ROBO1: variants seen among roughly 807,000 people sequenced by gnomAD.
ROBO1 encodes roundabout homolog 1.
Under a neutral mutation model 195.9 loss-of-function variants are expected in ROBO1, and 149 were observed. The ratio of observed to expected loss-of-function variants is 0.76; its 90% confidence interval spans 0.67 to 0.87. The LOEUF (loss-of-function observed/expected upper bound fraction) is 0.87. Ranked by LOEUF, ROBO1 falls within the 40% of genes least tolerant of loss-of-function variation. The probability of loss-of-function intolerance (pLI) is 0.00; values close to 1 mark genes in which losing one functional copy is unlikely to be tolerated. For synonymous variants in ROBO1, 816 were observed against 733.2 expected (o/e 1.11, Z -1.82); for missense variants, 1,933 against 2,068.3 (o/e 0.93, Z 1.27).
At chr3:79,517,063 C>T (rs1940979830) in intron 2 of ROBO1, among the ~76,000 whole-genome samples, 1 of 152,152 alleles carries the variant, frequency 6.6e-6, no homozygotes, top group African/African-American at 2.4e-5. Flanking sequence ...TACCATAAGA[C>T]TCTTTCTGTT....
intron 10 of ROBO1, among the ~76,000 whole-genome samples, chr3:78,676,142 A>C (rs989909289): frequency 2.6e-5 from 4 of 152,160 alleles, no homozygotes; most frequent in African/African-American, 7.2e-5. Context: ...AAACTAACAA[A>C]CAGAAAGGAC....
At chr3:78,990,626 C>T (rs937471356) in intron 3 of ROBO1, among the ~76,000 whole-genome samples, 4 of 152,218 alleles carry the variant, frequency 2.6e-5, no homozygotes, top group Admixed American at 6.5e-5. Context: ...TTCAAATCTA[C>T]GTTTAGTTCA....
chr3:78,945,566 G>GA (rs1446337536), intron 3 of ROBO1, among the ~76,000 whole-genome samples: 1 of 151,968 alleles, frequency 6.6e-6, no homozygotes, highest in Non-Finnish European at 1.5e-5. Flanking sequence ...ACAAAGACGG[G>GA]AAAAAAACAG....
intron 1 of ROBO1, among the ~76,000 whole-genome samples, chr3:79,691,366 T>C (rs1204069731): frequency 6.6e-6 from 1 of 151,652 alleles, no homozygotes; most frequent in Non-Finnish European, 1.5e-5. Flanking sequence ...AGAGAAACAA[T>C]AGTATGTGAC....
At chr3:79,575,277 T>C (rs1199633177) in intron 2 of ROBO1, among the ~76,000 whole-genome samples, 3 of 125,308 alleles carry the variant, frequency 2.4e-5, no homozygotes, top group African/African-American at 6.2e-5. Flanking sequence ...ATAACAAATA[T>C]ATATATAAAT....
intron 22 of ROBO1, among the ~76,000 whole-genome samples, chr3:78,639,444 A>G (rs1402147459): frequency 2.0e-5 from 3 of 152,174 alleles, no homozygotes; most frequent in Admixed American, 6.5e-5. Context: ...TCTGTCTCCA[A>G]TAAATAATAA....
At chr3:79,357,481 A>G (rs948962961) in intron 2 of ROBO1, among the ~76,000 whole-genome samples, 7 of 152,194 alleles carry the variant, frequency 4.6e-5, no homozygotes, top group Non-Finnish European at 8.8e-5. Flanking sequence ...CAAGGAGGTC[A>G]TGGTTTATAT....
chr3:78,685,110 A>G (rs2081022240), intron 10 of ROBO1, among the ~76,000 whole-genome samples: 1 of 152,110 alleles, frequency 6.6e-6, no homozygotes, highest in African/African-American at 2.4e-5. Flanking sequence ...ATATATATTT[A>G]TATGTATATG....
chr3:79,052,308 G>A (rs2078716241), intron 3 of ROBO1, among the ~76,000 whole-genome samples: 1 of 152,016 alleles, frequency 6.6e-6, no homozygotes, highest in Admixed American at 6.6e-5. Context: ...GCTAGGATTG[G>A]GAAATTCCAG....
At position 78,758,369 on chromosome 3, in the gene ROBO1, T is replaced by TA. The variant is rs2082995111; in HGVS notation, c.500-11470dup. Reference sequence around the variant, plus strand: ...CACCTGTCTCTACAAAAAATATATATAAAAAAATAGCTGGGTGTGGTGGCA... The same window carrying TA: ...CACCTGTCTCTACAAAAAATATATATAAAAAAAATAGCTGGGTGTGGTGGCA... On this transcript the variant is annotated intron_variant, in intron 4 of 30. Transcript: ENST00000464233. Among the ~76,000 whole-genome samples, 7 of 151,108 alleles carry TA rather than the reference T, an allele frequency of 4.6e-5. No individual in the cohort carries two copies. In the South Asian group the frequency reaches 1.5e-3, roughly 32 times the overall value.
Position 79,468,760 on chromosome 3 carries a change from C to T in ROBO1, c.88+121064G>A, listed in dbSNP as rs370324362. Among the ~76,000 whole-genome samples the T allele has an allele frequency of 3.9e-4, 59 of 152,224 alleles. No individual in the cohort carries two copies. The East Asian group carries it at 4.3e-3, about 11-fold the overall frequency. On this transcript the variant is annotated intron_variant, in intron 2 of 30. Transcript: ENST00000464233. ...AGAAGAACCTGGAATTGGATTTGTA[C>T]AGACCTTCATTAGACCAATCTCAGT... is the stretch of plus-strand genomic sequence containing the variant.
At chr3:79,567,397 A>G (rs1943123863) in intron 2 of ROBO1, among the ~76,000 whole-genome samples, 1 of 152,202 alleles carries the variant, frequency 6.6e-6, no homozygotes, top group African/African-American at 2.4e-5. Flanking sequence ...AAGTTAGAAA[A>G]GGAGAGAATA....
At chr3:79,185,649 G>A (rs751146939) in intron 2 of ROBO1, among the ~76,000 whole-genome samples, 11 of 152,108 alleles carry the variant, frequency 7.2e-5, no homozygotes, top group Non-Finnish European at 1.6e-4. Flanking sequence ...ATGACAGGAA[G>A]TCAATAAAGA....
intron 2 of ROBO1, among the ~76,000 whole-genome samples, chr3:79,289,453 A>G (rs568758326): frequency 6.6e-6 from 1 of 152,284 alleles, no homozygotes; most frequent in East Asian, 1.9e-4. Flanking sequence ...GTGGAGGCAA[A>G]GTAAACTTTT....
At chr3:79,515,290 C>G (rs1452975574) in intron 2 of ROBO1, among the ~76,000 whole-genome samples, 1 of 152,156 alleles carries the variant, frequency 6.6e-6, no homozygotes, top group Non-Finnish European at 1.5e-5. Context: ...TGAATGTTCG[C>G]CAATGCTCTG....
intron 2 of ROBO1, among the ~76,000 whole-genome samples, chr3:79,371,335 T>C (rs1447989155): frequency 1.3e-5 from 2 of 152,106 alleles, no homozygotes; most frequent in African/African-American, 4.8e-5. Context: ...GGAAACATAT[T>C]TGAATACCTA....
intron 2 of ROBO1, among the ~76,000 whole-genome samples, chr3:79,201,925 C>T (rs1296976345): frequency 1.3e-5 from 2 of 149,678 alleles, no homozygotes; most frequent in Non-Finnish European, 3.0e-5. Flanking sequence ...ATCAGGTTGG[C>T]TCTTTTATAT....
intron 1 of ROBO1, among the ~76,000 whole-genome samples, chr3:79,626,337 C>T (rs1446706200): frequency 2.6e-5 from 4 of 151,852 alleles, no homozygotes; most frequent in African/African-American, 4.8e-5. Flanking sequence ...CTTGGAAGGC[C>T]GAGGCAGGAA....
intron 1 of ROBO1, among the ~76,000 whole-genome samples, chr3:79,659,488 A>T (rs1946266562): frequency 6.6e-6 from 1 of 152,070 alleles, no homozygotes; most frequent in African/African-American, 2.4e-5. Context: ...AATTTTCAGT[A>T]GCCAAGCACG....
Sources: gnomAD v4.1 joint callset for allele counts (sites outside exome capture counted in the v4.1 genomes callset) on GRCh38, gnomAD v4.1.1 for gene constraint, MANE v1.5 for transcripts, NCBI Gene and HGNC (gene_info 2026-07-23, HGNC 2026-07-21) for gene names.